Variants in GRID1 observed in about 807,000 individuals in gnomAD.
GRID1 encodes the protein glutamate ionotropic receptor delta type subunit 1, also known as glutamate receptor ionotropic, delta-1.
A neutral mutation model predicts 98.0 loss-of-function variants in GRID1; 28 were observed. The observed-to-expected ratio is 0.29, with a 90% CI of 0.21 to 0.39. The LOEUF is 0.39. Among genes scored for constraint, GRID1 ranks in the 10% least tolerant of loss-of-function variants. The pLI is 1.00. For synonymous variants in GRID1, 553 were observed against 538.5 expected, an observed-to-expected ratio of 1.03 and a Z score of -0.37; for missense variants, 1,111 against 1,340.5, an observed-to-expected ratio of 0.83 and a Z score of 2.67.
At chr10:85,697,088 C>T (rs926851535) in intron 12 of GRID1, among the ~76,000 whole-genome samples, 2 of 152,038 alleles carry the variant, frequency 1.3e-5, no homozygotes, top group African/African-American at 2.4e-5. Flanking sequence ...TAAAAAACTG[C>T]ATATTCTGCA....
intron 8 of GRID1, among the ~76,000 whole-genome samples, chr10:85,810,945 C>A (rs751319400): frequency 2.6e-5 from 4 of 152,148 alleles, no homozygotes; most frequent in Non-Finnish European, 4.4e-5. Context: ...TGAGCACCTG[C>A]ACCCAAAGTC....
At chr10:86,105,491 C>T (rs1243702708) in intron 4 of GRID1, among the ~76,000 whole-genome samples, 1 of 152,238 alleles carries the variant, frequency 6.6e-6, no homozygotes, top group Non-Finnish European at 1.5e-5. Flanking sequence ...GTGGCTCTCA[C>T]ACAATTCCCA....
chr10:85,798,741 T>G (rs542542411), intron 8 of GRID1, among the ~76,000 whole-genome samples: 2 of 152,156 alleles, frequency 1.3e-5, no homozygotes, highest in Non-Finnish European at 2.9e-5. Context: ...TTCTTGTATA[T>G]TCTGCATATT....
intron 8 of GRID1, among the ~76,000 whole-genome samples, chr10:85,811,404 T>C (rs1362178786): frequency 2.6e-5 from 4 of 152,212 alleles, no homozygotes; most frequent in South Asian, 4.1e-4. Context: ...AAAGGAAATA[T>C]ACAAAATGCC....
At chr10:86,047,709 G>C (rs1418355193) in intron 4 of GRID1, among the ~76,000 whole-genome samples, 2 of 152,002 alleles carry the variant, frequency 1.3e-5, no homozygotes, top group African/African-American at 2.4e-5. Flanking sequence ...TGCCCTCCAT[G>C]GTGCAGCAGA....
intron 12 of GRID1, among the ~76,000 whole-genome samples, chr10:85,661,555 G>C (rs1166116859): frequency 6.6e-6 from 1 of 152,204 alleles, no homozygotes; most frequent in Non-Finnish European, 1.5e-5. Flanking sequence ...GACACCAGGA[G>C]CTTTGCCTCT....
intron 4 of GRID1, among the ~76,000 whole-genome samples, chr10:86,054,011 G>C (rs892861019): frequency 2.6e-5 from 4 of 152,172 alleles, no homozygotes; most frequent in African/African-American, 7.2e-5. Context: ...TAATAAAGGA[G>C]TCTGTAGATG....
chr10:86,179,589 A>G (rs1451175273), intron 3 of GRID1, among the ~76,000 whole-genome samples: 1 of 152,126 alleles, frequency 6.6e-6, no homozygotes, highest in Non-Finnish European at 1.5e-5. Context: ...TGGGGCCTCA[A>G]GTCCCCTTCT....
intron 15 of GRID1, among the ~76,000 whole-genome samples, 188 bp from the exon 16 acceptor site, chr10:85,602,889 G>T (rs546029419): frequency 6.6e-6 from 1 of 152,100 alleles, no homozygotes; most frequent in Admixed American, 6.5e-5. Context: ...GAGAAGCCAG[G>T]GGGGAGACAT....
chr10:85,634,074 G>A (rs1004951733), intron 13 of GRID1, among the ~76,000 whole-genome samples: 4 of 152,036 alleles, frequency 2.6e-5, no homozygotes, highest in African/African-American at 9.7e-5. Flanking sequence ...GGGAGGCTGA[G>A]GCAGGAGAAT....
chr10:85,641,746 T>C (rs558592525), intron 13 of GRID1, among the ~76,000 whole-genome samples: 2 of 152,272 alleles, frequency 1.3e-5, no homozygotes, highest in African/African-American at 2.4e-5. Flanking sequence ...GATTGCTCAA[T>C]AGATTTCAGA....
chr10:86,030,805 C>A (rs552427574), intron 4 of GRID1, among the ~76,000 whole-genome samples: 3 of 152,270 alleles, frequency 2.0e-5, no homozygotes, highest in African/African-American at 7.2e-5. Context: ...CAAAGAGCAG[C>A]CTGTAAAGTC....
intron 4 of GRID1, among the ~76,000 whole-genome samples, chr10:86,048,710 C>A (rs532722594): frequency 8.9e-4 from 136 of 152,338 alleles, no homozygotes; most frequent in African/African-American, 3.2e-3. Context: ...AATGGTAGAT[C>A]CACATGGCTT....
At chr10:85,991,606 T>G (rs973546505) in intron 4 of GRID1, among the ~76,000 whole-genome samples, 1 of 152,140 alleles carries the variant, frequency 6.6e-6, no homozygotes, top group Non-Finnish European at 1.5e-5. Context: ...TCTGGGCTGA[T>G]GCTGATATCA....
chr10:85,715,998 T>C (rs1219830077), intron 12 of GRID1, among the ~76,000 whole-genome samples: 1 of 151,618 alleles, frequency 6.6e-6, no homozygotes, highest in East Asian at 2.0e-4. Flanking sequence ...CCTCCACCTC[T>C]CAGGTTCAAG....
At chr10:86,113,496 C>G (rs1304968021) in intron 4 of GRID1, among the ~76,000 whole-genome samples, 1 of 152,218 alleles carries the variant, frequency 6.6e-6, no homozygotes, top group Admixed American at 6.5e-5. Context: ...GTCACATAGC[C>G]GAAAGTAGCC....
At chr10:85,983,189 A>G (rs988135315) in intron 4 of GRID1, among the ~76,000 whole-genome samples, 8 of 152,174 alleles carry the variant, frequency 5.3e-5, no homozygotes, top group Admixed American at 2.0e-4. Context: ...AGTGAGGATG[A>G]CCGGACAGCC....
At chr10:85,858,593 T>C (rs1843136153) in intron 6 of GRID1, among the ~76,000 whole-genome samples, 1 of 152,202 alleles carries the variant, frequency 6.6e-6, no homozygotes, top group East Asian at 1.9e-4. Flanking sequence ...ATGGAGATGT[T>C]GTTATAAGGA....
At chr10:86,010,814 C>CAA (rs58304694) in intron 4 of GRID1, among the ~76,000 whole-genome samples, 57 of 114,466 alleles carry the variant, frequency 5.0e-4, no homozygotes, top group East Asian at 1.0e-3. Context: ...ACTATGTCTC[C>CAA]AAAAAAAAAA....
Sources: allele counts gnomAD v4.1 joint callset (sites outside exome capture counted in the v4.1 genomes callset), GRCh38; gene constraint gnomAD v4.1.1; transcripts MANE v1.5; gene names NCBI Gene and HGNC (gene_info 2026-07-23, HGNC 2026-07-21).